Variants in CPVL observed in about 807,000 individuals in gnomAD.
CPVL encodes probable serine carboxypeptidase CPVL.
A neutral mutation model predicts 63.7 loss-of-function variants in CPVL; 51 were observed. That is an observed-to-expected ratio of 0.80 (90% CI 0.64 to 1.01). The LOEUF (loss-of-function observed/expected upper bound fraction) is 1.01. Ranked by LOEUF, CPVL falls within the 50% of genes least tolerant of loss-of-function variation. CPVL has a pLI of 0.00. For missense variants in CPVL, 530 were observed against 573.1 expected (o/e 0.92, Z 0.77); for synonymous variants, 195 against 206.0 (o/e 0.95, Z 0.46).
At chr7:29,094,817 G>T (rs1231565155) in intron 5 of CPVL, among the ~76,000 whole-genome samples, 1 of 151,682 alleles carries the variant, frequency 6.6e-6, no homozygotes, top group African/African-American at 2.4e-5. Context: ...TGAGCTGCCA[G>T]CCTGGGCGAC....
intron 6 of CPVL, among the ~76,000 whole-genome samples, chr7:29,090,825 G>C (rs1351232967): frequency 6.6e-6 from 1 of 152,116 alleles, no homozygotes; most frequent in Non-Finnish European, 1.5e-5. Context: ...AACTGTGAAC[G>C]GTAAATGTCT....
chr7:29,146,517 G>C lies in CPVL; in HGVS notation c.-99C>G. 1 of 1,477,560 alleles carries C rather than the reference G, an allele frequency of 6.8e-7. No individual in the cohort carries two copies. The highest frequency in any genetic ancestry group is 2.5e-5 in the East Asian group (1 of 40,262). The allele number at this position is 1,477,560 out of a possible 1,614,324, so 91.5% of individuals were successfully genotyped here. On this transcript the variant is annotated 5_prime_UTR_variant, in exon 1 of 13. Transcript: ENST00000265394. ...AGCGCTTCCCAAATCAGGCAGAAGT[G>C]AGGCAGCCCCACCCAGTCACGAGGA...
At chr7:29,169,880 G>GTGTGTGTATA (rs148266761) in intron 5 of CPVL, among the ~76,000 whole-genome samples, 9 of 150,044 alleles carry the variant, frequency 6.0e-5, no homozygotes, top group Admixed American at 5.3e-4. Flanking sequence ...GTGTGTGTGT[G>GTGTGTGTATA]TATATATATA....
Position 29,098,200 on chromosome 7 carries a change from T to TGA in CPVL, c.289-1985_289-1984dup, listed in dbSNP as rs748837873. Among the ~76,000 whole-genome samples, 11 of 152,150 alleles carry TGA rather than the reference T, an allele frequency of 7.2e-5. No individual in the cohort carries two copies. The East Asian group carries it at 2.1e-3, about 29-fold the overall frequency. ...ATTGACCTGGATGGCGGGAGAAGGC[T>TGA]GAGGCAGAAGGCAAGACTGACTCAA... On this transcript the variant is annotated intron_variant, in intron 3 of 12. Coordinates refer to ENST00000265394, the MANE Select transcript of CPVL (RefSeq NM_031311.5).
At chr7:29,176,151 A>C (rs186211888) in intron 5 of CPVL, among the ~76,000 whole-genome samples, 2,389 of 151,768 alleles carry the variant, frequency 0.016, 22 homozygotes, top group South Asian at 0.028. Context: ...GCGCCACTGC[A>C]CTCCAGCCTA....
chr7:29,086,731 A>G (rs1009887401), intron 6 of CPVL, among the ~76,000 whole-genome samples, 181 bp from the exon 7 acceptor site: 11 of 152,214 alleles, frequency 7.2e-5, no homozygotes, highest in African/African-American at 2.4e-4. Flanking sequence ...TTACTTTGTG[A>G]TAATAAGAAG....
At chr7:29,167,664 C>T (rs989691113) in intron 5 of CPVL, among the ~76,000 whole-genome samples, 1 of 152,196 alleles carries the variant, frequency 6.6e-6, no homozygotes, top group African/African-American at 2.4e-5. Flanking sequence ...TCTACATCTT[C>T]ACCAATATTT....
chr7:29,055,857 G>A (rs1178842716), intron 11 of CPVL, among the ~76,000 whole-genome samples: 1 of 152,156 alleles, frequency 6.6e-6, no homozygotes, highest in Non-Finnish European at 1.5e-5. Context: ...TATGTTTGTT[G>A]TCATTTATCC....
chr7:28,995,684 T>A lies in CPVL; in HGVS notation c.*88A>T. On this transcript the variant is annotated 3_prime_UTR_variant, in exon 13 of 13. Coordinates refer to ENST00000265394, the MANE Select transcript of CPVL (RefSeq NM_031311.5). ...AAAAAATCTTGCAGATATGAAAAGA[T>A]AATTTTTTTATTCCTATGACATTTT... 1 of 793,836 alleles carries A rather than the reference T, an allele frequency of 1.3e-6. No homozygotes were observed. Among genetic ancestry groups the A allele is most frequent in the South Asian group, 1.7e-5 (1 of 59,496 alleles). The allele number at this position is 793,836 out of a possible 1,614,324, so 49.2% of individuals were successfully genotyped here.
chr7:29,094,664 T>C (rs1687571961), intron 5 of CPVL, among the ~76,000 whole-genome samples: 1 of 151,944 alleles, frequency 6.6e-6, no homozygotes, highest in African/African-American at 2.4e-5. Context: ...CTGGCTAACA[T>C]GGTGAACACC....
Position 29,072,372 on chromosome 7 carries a change from T to C in CPVL, c.661A>G (p.Asn221Asp). ...TTGATCTTCACCTCTCTCACAGGGT[T>C]GAGGGAATGGATGAGGTGTGCAATG... ...PAIAHLIHSLNPVREVKINLN... is the reference protein window; with the variant it reads ...PAIAHLIHSLDPVREVKINLN... The change falls in exon 8 of 13, where the codon AAC becomes GAC. Residue 221 changes from asparagine (N) to aspartate (D), a missense_variant. Asn to Asp is a conservative substitution (Grantham distance 23). Coordinates refer to ENST00000265394, the MANE Select transcript of CPVL (RefSeq NM_031311.5). The C allele has an allele frequency of 6.2e-7, 1 of 1,614,114 alleles. No individual in the cohort carries two copies. The highest frequency in any genetic ancestry group is 1.1e-5 in the South Asian group (1 of 91,082).
chr7:28,996,833 T>G (rs1404545227), intron 12 of CPVL, among the ~76,000 whole-genome samples: 2 of 151,928 alleles, frequency 1.3e-5, no homozygotes, highest in Admixed American at 6.5e-5. Context: ...TGTAGTGCAC[T>G]TCCCCCACAC....
intron 7 of CPVL, among the ~76,000 whole-genome samples, chr7:29,080,557 C>CA (rs138264408): frequency 3.1e-3 from 318 of 103,166 alleles, no homozygotes; most frequent in East Asian, 8.0e-3. Flanking sequence ...CACTTTGTCT[C>CA]AAAAAAAAAA....
chr7:29,084,099 T>A (rs1245036713), intron 7 of CPVL, among the ~76,000 whole-genome samples: 1 of 152,156 alleles, frequency 6.6e-6, no homozygotes, highest in Non-Finnish European at 1.5e-5. Context: ...AGATACTCAA[T>A]ATATCTGTGC....
At chr7:29,056,679 C>T (rs562102187) in intron 11 of CPVL, among the ~76,000 whole-genome samples, 1 of 152,262 alleles carries the variant, frequency 6.6e-6, no homozygotes, top group East Asian at 1.9e-4. Context: ...GCTTACAGTT[C>T]ATTTGGGTAA....
intron 12 of CPVL, among the ~76,000 whole-genome samples, chr7:29,017,553 C>T (rs1786536473): frequency 6.6e-6 from 1 of 152,132 alleles, no homozygotes; most frequent in South Asian, 2.1e-4. Flanking sequence ...GAATCACTTG[C>T]ACCTGGGAGG....
chr7:29,084,825 C>T (rs1162438518), intron 7 of CPVL, among the ~76,000 whole-genome samples: 1 of 152,116 alleles, frequency 6.6e-6, no homozygotes, highest in Non-Finnish European at 1.5e-5. Context: ...GGATAAAAAT[C>T]ATTGCAGCAA....
At chr7:29,160,352 T>C (rs1795007660) in intron 5 of CPVL, among the ~76,000 whole-genome samples, 1 of 152,228 alleles carries the variant, frequency 6.6e-6, no homozygotes, top group African/African-American at 2.4e-5. Context: ...TTCCTGTTCC[T>C]GTATGTGGCT....
At chr7:29,087,788 T>C (rs991514562) in intron 6 of CPVL, among the ~76,000 whole-genome samples, 7 of 152,234 alleles carry the variant, frequency 4.6e-5, no homozygotes, top group Non-Finnish European at 7.3e-5. Context: ...ACAATCACCA[T>C]GATCCTAGCT....
Sources: allele counts gnomAD v4.1 joint callset (sites outside exome capture counted in the v4.1 genomes callset), GRCh38; gene constraint gnomAD v4.1.1; transcripts MANE v1.5; gene names NCBI Gene and HGNC (gene_info 2026-07-23, HGNC 2026-07-21).